SAMD4A: variants seen among roughly 807,000 people sequenced by gnomAD.
SAMD4A encodes the protein protein Smaug homolog 1.
Under a neutral mutation model 81.3 loss-of-function variants are expected in SAMD4A, and 33 were observed. The ratio of observed to expected loss-of-function variants is 0.41; its 90% CI spans 0.31 to 0.54. The LOEUF (loss-of-function observed/expected upper bound fraction) is 0.54, where lower values mean the gene tolerates loss of function less well. Among genes scored for constraint, SAMD4A ranks in the 20% least tolerant of loss-of-function variants. The pLI, the probability that SAMD4A is intolerant of heterozygous loss-of-function variation, is 0.37. For missense variants in SAMD4A, 854 were observed against 951.1 expected, an observed-to-expected ratio of 0.90 and a Z score of 1.34; for synonymous variants, 389 against 382.1, an observed-to-expected ratio of 1.02 and a Z score of -0.21.
intron 2 of SAMD4A, among the ~76,000 whole-genome samples, chr14:54,598,571 C>G (rs1467384402): frequency 6.6e-6 from 1 of 152,126 alleles, no homozygotes; most frequent in Non-Finnish European, 1.5e-5. Context: ...TTTTAAAACA[C>G]TCATTGGACT....
chr14:54,678,617 C>T (rs1345652809), intron 2 of SAMD4A, among the ~76,000 whole-genome samples: 6 of 145,104 alleles, frequency 4.1e-5, no homozygotes, highest in Admixed American at 2.7e-4. Context: ...GGCGCGATCA[C>T]GGCTCACTGC....
intron 2 of SAMD4A, among the ~76,000 whole-genome samples, chr14:54,638,866 C>T (rs889285827): frequency 6.6e-6 from 1 of 152,308 alleles, no homozygotes; most frequent in East Asian, 1.9e-4. Flanking sequence ...AGAGAGTGGA[C>T]ATTCGGCAGT....
At chr14:54,592,754 C>T (rs879841068) in intron 2 of SAMD4A, among the ~76,000 whole-genome samples, 4 of 152,284 alleles carry the variant, frequency 2.6e-5, no homozygotes, top group African/African-American at 7.2e-5. Context: ...CCACCGCACC[C>T]GGCCATTGTT....
In SAMD4A at chr14:54,640,024, A is replaced by AT. The variant is rs1421219413; in HGVS notation, c.197-62037dup. 4.0e-5 allele frequency among the ~76,000 whole-genome samples: 5 copies of AT among 125,296 alleles called. No homozygotes were observed. In the East Asian group the frequency reaches 7.9e-4, roughly 20 times the overall value. The allele number at this position is 125,296 out of a possible 152,430, so 82.2% of individuals were successfully genotyped here. ...AATTAAACCAAAATATCTATGTTTGATAAAAAAAAAAATAGCCTTGGGATT... is the reference window on the plus strand; with the variant it reads ...AATTAAACCAAAATATCTATGTTTGATTAAAAAAAAAAATAGCCTTGGGATT... On this transcript the variant is annotated intron_variant, in intron 2 of 12. Coordinates refer to ENST00000554335, the MANE Select transcript of SAMD4A (RefSeq NM_015589.6).
At chr14:54,775,418 A>C (rs765212779) in intron 10 of SAMD4A, among the ~76,000 whole-genome samples, 10 of 152,202 alleles carry the variant, frequency 6.6e-5, no homozygotes, top group Non-Finnish European at 1.3e-4. Context: ...TCTTTGCCCC[A>C]TGCTTGACCT....
intron 6 of SAMD4A, among the ~76,000 whole-genome samples, chr14:54,758,717 C>G (rs964496925): frequency 6.6e-6 from 1 of 152,118 alleles, no homozygotes; most frequent in Admixed American, 6.5e-5. Flanking sequence ...ATAATCCCAG[C>G]TATTCGGGAG....
At chr14:54,566,132 A>AGGC (rs1468136583), upstream of SAMD4A, among the ~76,000 whole-genome samples, 2 of 151,828 alleles carry the variant, frequency 1.3e-5, no homozygotes, top group African/African-American at 4.8e-5. Flanking sequence ...CCGACACTGG[A>AGGC]GGCAGCAGCA....
chr14:54,748,293 G>A (rs1456992220), intron 4 of SAMD4A, among the ~76,000 whole-genome samples: 1 of 152,208 alleles, frequency 6.6e-6, no homozygotes, highest in Non-Finnish European at 1.5e-5. Flanking sequence ...TCCTATCACT[G>A]TAGGAGTGGC....
rs760163359 is a variant in SAMD4A at position 54,702,392 on chromosome 14, A to G, written c.527A>G (p.Tyr176Cys). The change falls in exon 3 of 13, where the codon TAC becomes TGC. Residue 176 changes from tyrosine to cysteine, a missense_variant. By Grantham distance (194) the Tyr-to-Cys change is radical. Around this residue, in one of 3 missense-constraint regions of SAMD4A, gnomAD observed 387 missense variants for 405.8 expected, o/e 0.95. Coordinates refer to ENST00000554335, the MANE Select transcript of SAMD4A (RefSeq NM_015589.6). ...TCTGTGGATTATGGACAGACACACT[A>G]CTATCACCAAAGACAGAACTCTGAT... is the stretch of plus-strand genomic sequence containing the variant. The part of the protein sequence containing the change: ...SDSVDYGQTH[Y>C]YHQRQNSDDK... 2.5e-6 allele frequency: 4 copies of G among 1,614,146 alleles called. No homozygotes were observed. The South Asian group carries it at 3.3e-5, about 13-fold the overall frequency.
chr14:54,637,938 G>T (rs991067825), intron 2 of SAMD4A, among the ~76,000 whole-genome samples: 1 of 152,146 alleles, frequency 6.6e-6, no homozygotes, highest in East Asian at 1.9e-4. Context: ...AGACTCCATA[G>T]CCTCTCTGCT....
intron 3 of SAMD4A, among the ~76,000 whole-genome samples, chr14:54,728,762 A>G (rs2037487226): frequency 6.6e-6 from 1 of 152,170 alleles, no homozygotes; most frequent in Admixed American, 6.5e-5. Flanking sequence ...TGAAACTAGA[A>G]AGAAAAGAAA....
At chr14:54,755,594 C>T (rs1013830168) in intron 6 of SAMD4A, among the ~76,000 whole-genome samples, 10 of 152,178 alleles carry the variant, frequency 6.6e-5, no homozygotes, top group Middle Eastern at 3.4e-3. Flanking sequence ...ACAATGGAGA[C>T]GGAACACTGT....
At chr14:54,640,346 G>A (rs1045489562) in intron 2 of SAMD4A, among the ~76,000 whole-genome samples, 1 of 152,100 alleles carries the variant, frequency 6.6e-6, no homozygotes, top group African/African-American at 2.4e-5. Flanking sequence ...TCTTATCTGT[G>A]TTTGGGATAT....
At chr14:54,727,286 C>A (rs1271391711) in intron 3 of SAMD4A, among the ~76,000 whole-genome samples, 1 of 140,802 alleles carries the variant, frequency 7.1e-6, no homozygotes, top group Non-Finnish European at 1.5e-5. Context: ...GTCTCCTGGG[C>A]TCAAGCAATT....
chr14:54,628,295 C>T (rs1055244761), intron 2 of SAMD4A, among the ~76,000 whole-genome samples: 1 of 152,104 alleles, frequency 6.6e-6, no homozygotes, highest in Non-Finnish European at 1.5e-5. Flanking sequence ...AAGTGACAGG[C>T]GCTTTGCCCG....
At chr14:54,637,997 C>T (rs1449293263) in intron 2 of SAMD4A, among the ~76,000 whole-genome samples, 2 of 152,172 alleles carry the variant, frequency 1.3e-5, no homozygotes, top group Non-Finnish European at 2.9e-5. Flanking sequence ...CAAAGTGAGT[C>T]AGTTATTGCA....
intron 2 of SAMD4A, among the ~76,000 whole-genome samples, chr14:54,691,674 T>C (rs989328557): frequency 6.6e-6 from 1 of 152,114 alleles, no homozygotes; most frequent in East Asian, 1.9e-4. Flanking sequence ...TTTTACTGCT[T>C]ACTGTTGCAG....
chr14:54,698,661 T>G (rs1316841080), intron 2 of SAMD4A, among the ~76,000 whole-genome samples: 2 of 152,216 alleles, frequency 1.3e-5, no homozygotes, highest in Non-Finnish European at 2.9e-5. Flanking sequence ...TTTGATCCAG[T>G]AGGTGTAGTT....
At chr14:54,597,119 T>TG (rs1396103606) in intron 2 of SAMD4A, among the ~76,000 whole-genome samples, 1 of 151,062 alleles carries the variant, frequency 6.6e-6, no homozygotes, top group African/African-American at 2.5e-5. Flanking sequence ...TTTTTTTTTT[T>TG]GAAAAATGGA....
Sources: allele counts gnomAD v4.1 joint callset (sites outside exome capture counted in the v4.1 genomes callset), GRCh38; gene constraint gnomAD v4.1.1; regional missense constraint gnomAD v4.1.1; transcripts MANE v1.5; gene names NCBI Gene and HGNC (gene_info 2026-07-23, HGNC 2026-07-21).